The following KLHL4 variants were observed in gnomAD, a reference collection of about 807,000 sequenced individuals.
KLHL4 encodes the protein kelch like family member 4.
Under a neutral mutation model 45.8 loss-of-function variants are expected in KLHL4, and 17 were observed. That is an observed-to-expected ratio of 0.37 (90% CI 0.25 to 0.56). The LOEUF (loss-of-function observed/expected upper bound fraction) is 0.56. Among genes scored for constraint, KLHL4 ranks in the 20% least tolerant of loss-of-function variants. The probability of loss-of-function intolerance (pLI) is 0.79; values close to 1 mark genes in which losing one functional copy is unlikely to be tolerated. For missense variants in KLHL4, 544 were observed against 544.9 expected, an observed-to-expected ratio of 1.00 and a Z score of 0.02; for synonymous variants, 224 against 189.9, an observed-to-expected ratio of 1.18 and a Z score of -1.47.
chrX:87,617,045 A>G (rs1245454779), intron 3 of KLHL4, among the ~76,000 whole-genome samples: 1 of 111,910 alleles, frequency 8.9e-6, no homozygotes, highest in Non-Finnish European at 1.9e-5. Flanking sequence ...CTTGGCTAAA[A>G]CAATAAAAAG....
chrX:87,585,382 A>C (rs1244363754), intron 1 of KLHL4, among the ~76,000 whole-genome samples: 1 of 112,107 alleles, frequency 8.9e-6, no homozygotes, highest in Non-Finnish European at 1.9e-5. Flanking sequence ...ACTCTTAATT[A>C]GAAAGACAAA....
intron 1 of KLHL4, among the ~76,000 whole-genome samples, chrX:87,574,566 C>T (rs754577095): frequency 6.3e-5 from 7 of 111,325 alleles, no homozygotes; most frequent in Non-Finnish European, 1.1e-4. Flanking sequence ...TTAAAGTGTG[C>T]AATTAAGTTT....
At position 87,518,061 on chromosome X, in the gene KLHL4, T is replaced by G. The variant is rs367663063; in HGVS notation, c.168T>G (p.Ser56=). Residue 56 remains serine, a synonymous_variant, in exon 1 of 11, where the codon TCT becomes TCG. Coordinates refer to ENST00000373119, the MANE Select transcript of KLHL4 (RefSeq NM_019117.5). Reference sequence around the variant, plus strand: ...TTCAGGGCAGGTTGAAGAGCCACTCTCGGGACAGAAACGGACTGAAGAAAA... The same window carrying G: ...TTCAGGGCAGGTTGAAGAGCCACTCGCGGGACAGAAACGGACTGAAGAAAA... ...TPVQGRLKSH[S]RDRNGLKKSN... is the part of the protein sequence containing the mutation. 4.1e-6 allele frequency: 5 copies of G among 1,209,963 alleles called. No individual in the cohort carries two copies. In the African/African-American group the frequency reaches 8.7e-5, roughly 21 times the overall value.
At chrX:87,563,675 C>A (rs1404891251) in intron 1 of KLHL4, among the ~76,000 whole-genome samples, 1 of 106,741 alleles carries the variant, frequency 9.4e-6, no homozygotes, top group Admixed American at 1.0e-4. Flanking sequence ...AAAAAGGAGG[C>A]AAAGAGATAA....
intron 9 of KLHL4, among the ~76,000 whole-genome samples, chrX:87,658,218 T>G (rs1451379389): frequency 9.1e-6 from 1 of 110,438 alleles, no homozygotes; most frequent in African/African-American, 3.3e-5. Context: ...AAAGGGGAGG[T>G]CACCCACCTC....
rs760951277 is a variant in KLHL4, at chrX:87,644,575, C to T, written c.1925+8800C>T. 4.5e-5 allele frequency among the ~76,000 whole-genome samples: 5 copies of T among 110,954 alleles called. No homozygotes were observed. In the South Asian group the frequency reaches 1.9e-3, roughly 43 times the overall value. The stretch of plus-strand genomic sequence containing the variant: ...AACAATTCTAAAATTCATATGGAAC[C>T]AAAAAAGAGCCCTCATAGCCAAAGC... On this transcript the variant is annotated intron_variant, in intron 9 of 10. Transcript: ENST00000373119.
At chrX:87,612,691 A>G (rs757713680) in intron 1 of KLHL4, among the ~76,000 whole-genome samples, 10 of 112,199 alleles carry the variant, frequency 8.9e-5, no homozygotes, top group Non-Finnish European at 1.9e-4. Flanking sequence ...ATAGGGATAC[A>G]TCATTTCTTC....
intron 1 of KLHL4, among the ~76,000 whole-genome samples, chrX:87,589,226 C>T (rs1921582305): frequency 8.9e-6 from 1 of 111,775 alleles, no homozygotes; most frequent in Non-Finnish European, 1.9e-5. Flanking sequence ...ATTATTACAA[C>T]CACTATGTAG....
intron 1 of KLHL4, among the ~76,000 whole-genome samples, chrX:87,579,215 G>GA (rs1053857362): frequency 1.3e-4 from 14 of 107,971 alleles, no homozygotes; most frequent in African/African-American, 2.7e-4. Context: ...ACAAATTACT[G>GA]AAAAAAAAAT....
At chrX:87,534,520 T>C (rs1205506246) in intron 1 of KLHL4, among the ~76,000 whole-genome samples, 2 of 111,474 alleles carry the variant, frequency 1.8e-5, no homozygotes, top group African/African-American at 6.5e-5. Context: ...TTCCCTCATG[T>C]TGACCAGGCG....
rs148906403 is a variant in KLHL4 at position 87,668,404 on chromosome X, A to T, written c.*1870A>T. 1.5e-4 allele frequency: 113 copies of T among 748,964 alleles called. No individual in the cohort carries two copies. The East Asian group carries it at 0.015, about 102-fold the overall frequency. 61.7% of individuals were successfully genotyped at this position (748,964 alleles called of 1,213,427 possible). A position where few individuals can be genotyped will look rare whatever the true frequency, so the allele number is the denominator to read the frequency against. The stretch of plus-strand genomic sequence containing the variant: ...GTGAAAGTTGAATACTCTCTTCTCA[A>T]TGGCATAGCTGGACTTGATTAAGTA... On this transcript the variant is annotated 3_prime_UTR_variant, in exon 11 of 11. Coordinates refer to ENST00000373119, the MANE Select transcript of KLHL4 (RefSeq NM_019117.5).
At chrX:87,657,834 G>A (rs2147840403) in intron 9 of KLHL4, among the ~76,000 whole-genome samples, 1 of 112,056 alleles carries the variant, frequency 8.9e-6, no homozygotes, top group Non-Finnish European at 1.9e-5. Context: ...GGCTGCATCA[G>A]GCATACCCAT....
chrX:87,667,130 C>A lies in KLHL4; in HGVS notation c.*596C>A. ...CTTTGACAAAACTTGTTATGTTGAT[C>A]GCGGTATGTCAAAATTTTTACAGGT... On this transcript the variant is annotated 3_prime_UTR_variant, in exon 11 of 11. Coordinates refer to ENST00000373119, the MANE Select transcript of KLHL4 (RefSeq NM_019117.5). 1 of 751,977 alleles carries A rather than the reference C, an allele frequency of 1.3e-6. No homozygotes were observed. Among genetic ancestry groups the A allele is most frequent in the Non-Finnish European group, 1.6e-6 (1 of 637,858 alleles). 62.0% of individuals were successfully genotyped at this position (751,977 alleles called of 1,213,427 possible).
At chrX:87,603,915 C>T (rs1259220779) in intron 1 of KLHL4, among the ~76,000 whole-genome samples, 1 of 109,866 alleles carries the variant, frequency 9.1e-6, no homozygotes, top group Non-Finnish European at 1.9e-5. Flanking sequence ...TCTCTAGTAA[C>T]CACTGTTCCA....
At chrX:87,621,027 G>A (rs756936223) in intron 4 of KLHL4, among the ~76,000 whole-genome samples, 21 of 110,936 alleles carry the variant, frequency 1.9e-4, no homozygotes, top group Admixed American at 9.5e-5. Context: ...GTCTAAATAG[G>A]CCAGTTTGAA....
intron 1 of KLHL4, among the ~76,000 whole-genome samples, chrX:87,519,568 C>A (rs1221414182): frequency 8.9e-6 from 1 of 112,194 alleles, no homozygotes; most frequent in East Asian, 2.8e-4. Flanking sequence ...GTCATATAAA[C>A]TTCTCAGGAA....
At chrX:87,659,703 A>G (rs1924122765) in intron 9 of KLHL4, among the ~76,000 whole-genome samples, 1 of 110,857 alleles carries the variant, frequency 9.0e-6, no homozygotes, top group African/African-American at 3.3e-5. Context: ...TTATCTGGAG[A>G]CTTAATTTGT....
In KLHL4 at chrX:87,575,103, T is replaced by C. The variant is rs190375104; in HGVS notation, c.423-38774T>C. ...CAGTATGAACGAATAGCGTGTAATA[T>C]GGCTAACAAAATCAATGAATACAAT... On this transcript the variant is annotated intron_variant, in intron 1 of 10. Coordinates refer to ENST00000373119, the MANE Select transcript of KLHL4 (RefSeq NM_019117.5). Among the ~76,000 whole-genome samples, 149 of 112,149 alleles carry C rather than the reference T, an allele frequency of 1.3e-3. 1 individual carries two copies. Among genetic ancestry groups the C allele is most frequent in the Non-Finnish European group, 1.9e-3 (102 of 53,215 alleles).
At chrX:87,554,331 T>G (rs1190075859) in intron 1 of KLHL4, among the ~76,000 whole-genome samples, 4 of 92,953 alleles carry the variant, frequency 4.3e-5, no homozygotes, top group Non-Finnish European at 6.2e-5. Flanking sequence ...TTCACGATAT[T>G]GATTCTTCCT....
Sources: gnomAD v4.1 joint callset for allele counts (sites outside exome capture counted in the v4.1 genomes callset) on GRCh38, gnomAD v4.1.1 for gene constraint, MANE v1.5 for transcripts, NCBI Gene and HGNC (gene_info 2026-07-23, HGNC 2026-07-21) for gene names.